NPAS2: variants seen among roughly 807,000 people sequenced by gnomAD.
NPAS2 encodes neuronal PAS domain-containing protein 2.
A neutral mutation model predicts 107.5 loss-of-function variants in NPAS2; 23 were observed. The observed-to-expected ratio is 0.21, with a 90% CI of 0.15 to 0.30. NPAS2 has a LOEUF of 0.30. NPAS2 is among the 10% of genes least tolerant of loss of function. The pLI is 1.00. For missense variants in NPAS2, 756 were observed against 1,043.3 expected, an observed-to-expected ratio of 0.72 and a Z score of 3.79; for synonymous variants, 403 against 417.5, an observed-to-expected ratio of 0.97 and a Z score of 0.42.
intron 1 of NPAS2, among the ~76,000 whole-genome samples, chr2:100,886,937 G>A (rs1447227594): frequency 6.6e-6 from 1 of 152,162 alleles, no homozygotes; most frequent in Non-Finnish European, 1.5e-5. Context: ...AGATTTGAAT[G>A]TTTCTAAAAT....
chr2:100,979,171 T>A (rs1677241609), intron 15 of NPAS2, among the ~76,000 whole-genome samples: 1 of 152,090 alleles, frequency 6.6e-6, no homozygotes, highest in African/African-American at 2.4e-5. Context: ...GCTTGAAGAT[T>A]GGTGTAAAAA....
At chr2:100,967,237 CTTTTTTTTTTTTTT>C (rs58558247) in intron 10 of NPAS2, among the ~76,000 whole-genome samples, 1 of 100,548 alleles carries the variant, frequency 9.9e-6, no homozygotes, top group Non-Finnish European at 2.0e-5. Context: ...AGTCAGTGTC[CTTTTTTTTTTTTTT>C]TTTTTTTTTT....
intron 1 of NPAS2, among the ~76,000 whole-genome samples, chr2:100,836,756 G>A (rs1043684391): frequency 2.6e-5 from 4 of 152,168 alleles, no homozygotes; most frequent in Non-Finnish European, 4.4e-5. Flanking sequence ...CGTCGTGAAG[G>A]CAAGTCCCCG....
intron 1 of NPAS2, among the ~76,000 whole-genome samples, chr2:100,890,020 C>G (rs1457503750): frequency 6.6e-6 from 1 of 152,070 alleles, no homozygotes; most frequent in Non-Finnish European, 1.5e-5. Context: ...TGCGTGCACA[C>G]CCTCCTCCTG....
chr2:100,902,877 C>A (rs189134986), intron 1 of NPAS2, among the ~76,000 whole-genome samples: 1 of 152,058 alleles, frequency 6.6e-6, no homozygotes. Flanking sequence ...ATGGCTTAGT[C>A]GGGTCAAGTG....
At chr2:100,970,820 A>G in intron 11 of NPAS2, 170 bp from the exon 12 acceptor site, 1 of 516,306 alleles carries the variant, frequency 1.9e-6, no homozygotes, top group South Asian at 3.0e-5. Context: ...TAAGGCAGAG[A>G]ACGACGCTCA....
chr2:100,819,749 G>A (rs1675939401), upstream of NPAS2, among the ~76,000 whole-genome samples: 1 of 151,696 alleles, frequency 6.6e-6, no homozygotes, highest in Non-Finnish European at 1.5e-5. This position sits in a 1 kb window ranked among gnomAD's most constrained non-coding sequence, Gnocchi z 5.8. Context: ...GCAGCCTCTA[G>A]TCCACTTGCC....
intron 7 of NPAS2, among the ~76,000 whole-genome samples, chr2:100,949,820 TTGA>T (rs1307689173): frequency 5.9e-5 from 9 of 152,212 alleles, no homozygotes; most frequent in African/African-American, 2.2e-4. Context: ...TCGTGGTGAC[TTGA>T]TGATCCATAA....
At chr2:100,826,843 AAC>A (rs1196048264) in intron 1 of NPAS2, among the ~76,000 whole-genome samples, 1 of 152,178 alleles carries the variant, frequency 6.6e-6, no homozygotes, top group African/African-American at 2.4e-5. Context: ...TATCTTAACT[AAC>A]ACAAGATATT....
chr2:100,951,344 A>T (rs1333347231), intron 7 of NPAS2, among the ~76,000 whole-genome samples: 1 of 152,232 alleles, frequency 6.6e-6, no homozygotes, highest in Non-Finnish European at 1.5e-5. Context: ...GTATGCACGC[A>T]AAAGAAGGGA....
intron 7 of NPAS2, among the ~76,000 whole-genome samples, chr2:100,950,900 G>T (rs1675183672): frequency 6.6e-6 from 1 of 152,184 alleles, no homozygotes; most frequent in Admixed American, 6.5e-5. Context: ...AATGTTTAAT[G>T]AACCACACAA....
rs551046839 is a variant in NPAS2 at position 100,829,134 on chromosome 2, A to G, written c.-23+8720A>G. Among the ~76,000 whole-genome samples the G allele has an allele frequency of 2.0e-5, 3 of 149,592 alleles. No individual in the cohort carries two copies. In the South Asian group the frequency reaches 6.3e-4, roughly 31 times the overall value. ...CACCTCTTTGGTTAGCTGTATTCCT[A>G]TGTATTTTATATTTTAATGGCTGCT... On this transcript the variant is annotated intron_variant, in intron 1 of 20. Transcript: ENST00000335681.
chr2:100,931,197 A>G (rs891555083), intron 3 of NPAS2, among the ~76,000 whole-genome samples: 4 of 152,100 alleles, frequency 2.6e-5, no homozygotes, highest in African/African-American at 9.7e-5. Context: ...CCCTCCCTCC[A>G]GGGGCCCTCT....
intron 1 of NPAS2, among the ~76,000 whole-genome samples, chr2:100,834,770 T>C (rs568670767): frequency 6.6e-6 from 1 of 152,072 alleles, no homozygotes; most frequent in Non-Finnish European, 1.5e-5. Flanking sequence ...TATTGGCTCA[T>C]TGCAACTTCC....
chr2:100,825,307 A>G (rs1676306087), intron 1 of NPAS2, among the ~76,000 whole-genome samples: 1 of 152,216 alleles, frequency 6.6e-6, no homozygotes, highest in South Asian at 2.1e-4. Context: ...TTTTTTGTTT[A>G]TAAAAGTACA....
chr2:100,851,101 T>C (rs1229062088), intron 1 of NPAS2, among the ~76,000 whole-genome samples: 1 of 150,716 alleles, frequency 6.6e-6, no homozygotes, highest in Non-Finnish European at 1.5e-5. Context: ...GTACTCAGAA[T>C]AGTCAAATCC....
chr2:100,968,199 C>A lies in NPAS2; in HGVS notation c.908-82C>A. ...TTGGTATTGTCTTTTTTTTTGAAAG[C>A]TTATCTTTACAATAACTCTTGGGGA... On this transcript the variant is annotated intron_variant, in intron 10 of 20. Coordinates refer to ENST00000335681, the MANE Select transcript of NPAS2 (RefSeq NM_002518.4). This position sits in a 1 kb window ranked among gnomAD's most constrained non-coding sequence, Gnocchi z 5.3. 2 of 1,450,964 alleles carry A rather than the reference C, an allele frequency of 1.4e-6. No homozygotes were observed. The highest frequency in any genetic ancestry group is 1.9e-6 in the Non-Finnish European group (2 of 1,051,932). The allele number at this position is 1,450,964 out of a possible 1,614,324, so 89.9% of individuals were successfully genotyped here. A position where few individuals can be genotyped will look rare whatever the true frequency, so the allele number is the denominator to read the frequency against.
At chr2:100,875,461 TACACACACACACACACACACAC>T (rs56331462) in intron 1 of NPAS2, among the ~76,000 whole-genome samples, 2 of 143,564 alleles carry the variant, frequency 1.4e-5, no homozygotes, top group Admixed American at 7.0e-5. Flanking sequence ...ATTAAAAGCT[TACACACACACACACACACACAC>T]ACACACACAC....
intron 2 of NPAS2, 147 bp from the exon 3 acceptor site, chr2:100,924,999 A>T: frequency 2.7e-6 from 2 of 731,128 alleles, no homozygotes; most frequent in Admixed American, 2.8e-5. Context: ...TGCCTTGGAA[A>T]TGTGGCCAGC....
Sources: allele counts gnomAD v4.1 joint callset (sites outside exome capture counted in the v4.1 genomes callset), GRCh38; gene constraint gnomAD v4.1.1; non-coding constraint Gnocchi (gnomAD v3.1); transcripts MANE v1.5; gene names NCBI Gene and HGNC (gene_info 2026-07-23, HGNC 2026-07-21).